The following TDO2 variants were observed in gnomAD, a reference collection of about 807,000 sequenced individuals.
TDO2 encodes the protein tryptophan 2,3-dioxygenase, also known as tryptamin 2,3-dioxygenase.
A neutral mutation model predicts 61.2 loss-of-function variants in TDO2; 63 were observed. That is an observed-to-expected ratio of 1.03 (90% CI 0.84 to 1.27). The LOEUF is 1.27. Ranked by LOEUF, TDO2 falls within the 50% of genes most tolerant of loss-of-function variation. The pLI is 0.00. For missense variants in TDO2, 494 were observed against 469.5 expected (o/e 1.05, Z -0.48); for synonymous variants, 183 against 164.0 (o/e 1.12, Z -0.89).
chr4:155,908,853 T>A, intron 4 of TDO2, 34 bp from the exon 5 acceptor site: 2 of 1,594,318 alleles, frequency 1.3e-6, no homozygotes, highest in Non-Finnish European at 1.7e-6. Flanking sequence ...GAGGTCAGCA[T>A]TGCTAACTCA....
chr4:155,903,876 C>G (rs1200668334), intron 1 of TDO2, 83 bp downstream of exon 1: 1 of 1,558,546 alleles, frequency 6.4e-7, no homozygotes, highest in African/African-American at 1.4e-5. Context: ...ATTTAAGGAG[C>G]ATTGAAAACT....
rs77887733 is a variant in TDO2 at position 155,913,721 on chromosome 4, T to C, written c.727-602T>C. ...TTAGTACTACACAGTGTGGTGGTTC[T>C]GATGAATTGGAAATAATTGGGTTAA... On this transcript the variant is annotated intron_variant, in intron 7 of 11. Coordinates refer to ENST00000536354, the MANE Select transcript of TDO2 (RefSeq NM_005651.4). Among the ~76,000 whole-genome samples, 64 of 152,246 alleles carry C rather than the reference T, an allele frequency of 4.2e-4. No individual in the cohort carries two copies. The East Asian group carries it at 0.012, about 28-fold the overall frequency.
At position 155,904,087 on chromosome 4, in the gene TDO2, C is replaced by T. The variant is rs140590165; in HGVS notation, c.105C>T (p.Ala35=). Residue 35 remains alanine (A), a synonymous_variant, in exon 2 of 12, where the codon GCC becomes GCT. Coordinates refer to ENST00000536354, the MANE Select transcript of TDO2 (RefSeq NM_005651.4). ...AATCACAAACTGGTGTGAATAGAGC[C>T]AGCAAAGGAGGTCTTATCTATGGGA... ...EDKSQTGVNR[A]SKGGLIYGNY... is the part of the protein sequence containing the mutation. The T allele has an allele frequency of 5.8e-5, 93 of 1,613,820 alleles. No individual in the cohort carries two copies. The highest frequency in any genetic ancestry group is 7.5e-5 in the Non-Finnish European group (89 of 1,179,970).
At position 155,917,376 on chromosome 4, in the gene TDO2, TC is replaced by T; in HGVS notation, c.897-18del. ...ATTTACTTGAATATATTCTTCTTTT[TC>T]TTCTTTTTTTCCTTTAGGGAAGAGC... On this transcript the variant is annotated intron_variant, in intron 9 of 11. Transcript: ENST00000536354. 1 of 1,594,598 alleles carries T rather than the reference TC, an allele frequency of 6.3e-7. No homozygotes were observed. The highest frequency in any genetic ancestry group is 8.5e-7 in the Non-Finnish European group (1 of 1,170,324).
chr4:155,912,937 C>T (rs1421960859), intron 7 of TDO2, among the ~76,000 whole-genome samples: 1 of 152,118 alleles, frequency 6.6e-6, no homozygotes, highest in East Asian at 1.9e-4. Context: ...TCTAGGCTGT[C>T]GTCAGACTCT....
intron 7 of TDO2, among the ~76,000 whole-genome samples, chr4:155,913,012 C>T (rs1742863722): frequency 6.6e-6 from 1 of 152,102 alleles, no homozygotes; most frequent in Non-Finnish European, 1.5e-5. Context: ...TCATCAAGTC[C>T]TACCAATGTT....
Position 155,911,566 on chromosome 4 carries a change from A to G in TDO2, c.688A>G (p.Ile230Val), listed in dbSNP as rs1367424216. 3 of 1,600,544 alleles carry G rather than the reference A, an allele frequency of 1.9e-6. No individual in the cohort carries two copies. Among genetic ancestry groups the G allele is most frequent in the East Asian group, 2.3e-5 (1 of 43,960 alleles). The change falls in exon 7 of 12, where the codon ATC (isoleucine) becomes GTC (valine). Residue 230 changes from isoleucine to valine, a missense_variant. By Grantham distance (29) the Ile-to-Val change is conservative. Transcript: ENST00000536354. ...FNFWGKLEKNITRGLEEEFIR... is the reference protein window; with the variant it reads ...FNFWGKLEKNVTRGLEEEFIR... ...CTTCTGGGGAAAGCTTGAAAAAAAT[A>G]TCACCAGAGGCCTGGAAGAGGAATT...
At chr4:155,904,377 G>A (rs1402422276) in intron 2 of TDO2, among the ~76,000 whole-genome samples, 2 of 152,216 alleles carry the variant, frequency 1.3e-5, no homozygotes, top group African/African-American at 4.8e-5. Flanking sequence ...GCGTATACAT[G>A]ATAAGATACA....
chr4:155,912,842 AC>A (rs2073347426), intron 7 of TDO2, among the ~76,000 whole-genome samples: 1 of 152,052 alleles, frequency 6.6e-6, no homozygotes, highest in Admixed American at 6.5e-5. Context: ...CACCAATAAA[AC>A]CAAACTTGAA....
intron 11 of TDO2, chr4:155,918,891 T>C (rs1742993843): frequency 6.6e-6 from 1 of 152,258 alleles, no homozygotes; most frequent in Admixed American, 6.5e-5. Flanking sequence ...AAATTAGACA[T>C]TTGCATTTAG....
intron 2 of TDO2, 100 bp downstream of exon 2, chr4:155,904,223 C>A (rs1252363730): frequency 2.4e-6 from 2 of 836,098 alleles, no homozygotes; most frequent in South Asian, 1.8e-5. Context: ...TAGGGAAAGT[C>A]ACCAATCGTT....
At position 155,919,997 on chromosome 4, in the gene TDO2, C is replaced by T; in HGVS notation, c.*7C>T. 3.1e-6 allele frequency: 5 copies of T among 1,610,784 alleles called. No individual in the cohort carries two copies. The South Asian group carries it at 5.5e-5, about 18-fold the overall frequency. ...CAGTGATGAATCAGATTAAAATCGT[C>T]TGCAAAATCTATGAAGAATACTGGT... On this transcript the variant is annotated 3_prime_UTR_variant, in exon 12 of 12. Coordinates refer to ENST00000536354, the MANE Select transcript of TDO2 (RefSeq NM_005651.4).
chr4:155,913,267 A>G (rs1474492538), intron 7 of TDO2, among the ~76,000 whole-genome samples: 2 of 152,064 alleles, frequency 1.3e-5, no homozygotes, highest in African/African-American at 4.8e-5. Flanking sequence ...ATTAAGATAA[A>G]ATTAACCTGG....
At chr4:155,905,282 A>G (rs936749886) in intron 3 of TDO2, 125 bp downstream of exon 3, 1 of 781,766 alleles carries the variant, frequency 1.3e-6, no homozygotes, top group Non-Finnish European at 2.1e-6. Flanking sequence ...GAAATGTTTG[A>G]GAATATTTTG....
intron 11 of TDO2, among the ~76,000 whole-genome samples, chr4:155,919,229 G>T (rs568513327): frequency 2.2e-4 from 33 of 152,242 alleles, no homozygotes; most frequent in African/African-American, 7.7e-4. Flanking sequence ...ACTTGTCAAA[G>T]GTCCTTGAAT....
chr4:155,911,709 T>G lies in TDO2; in HGVS notation c.726+105T>G, dbSNP rs1742836097. Reference sequence around the variant, plus strand: ...TTAACCTTTTCTCTTTCTCATATTTTTTTCTTAGACAAATGTATTTTCTTG... The same window carrying G: ...TTAACCTTTTCTCTTTCTCATATTTGTTTCTTAGACAAATGTATTTTCTTG... On this transcript the variant is annotated intron_variant, in intron 7 of 11. Transcript: ENST00000536354. 6 of 747,190 alleles carry G rather than the reference T, an allele frequency of 8.0e-6. No homozygotes were observed. In the East Asian group the frequency reaches 1.8e-4, roughly 23 times the overall value. 46.3% of individuals were successfully genotyped at this position (747,190 alleles called of 1,614,324 possible). A position where few individuals can be genotyped will look rare whatever the true frequency, so the allele number is the denominator to read the frequency against.
At chr4:155,905,225 AT>A (rs1325426428) in intron 3 of TDO2, 68 bp downstream of exon 3, 1 of 1,122,944 alleles carries the variant, frequency 8.9e-7, no homozygotes, top group Non-Finnish European at 1.3e-6. Context: ...GAAAGCTACA[AT>A]TTTTAAACTA....
intron 3 of TDO2, chr4:155,906,652 A>C (rs541871135): frequency 6.6e-6 from 1 of 152,198 alleles, no homozygotes; most frequent in African/African-American, 2.4e-5. Flanking sequence ...AGTATGAGTA[A>C]GTCCTTAGTT....
intron 7 of TDO2, among the ~76,000 whole-genome samples, chr4:155,912,716 A>G (rs1254198216): frequency 6.6e-6 from 1 of 152,096 alleles, no homozygotes; most frequent in Non-Finnish European, 1.5e-5. Flanking sequence ...CTGCTTCAAT[A>G]TCTACTTAGC....
Sources: gnomAD v4.1 joint callset for allele counts (sites outside exome capture counted in the v4.1 genomes callset) on GRCh38, gnomAD v4.1.1 for gene constraint, MANE v1.5 for transcripts, NCBI Gene and HGNC (gene_info 2026-07-23, HGNC 2026-07-21) for gene names.